The following ABLIM2 variants were observed in gnomAD, a reference collection of about 807,000 sequenced individuals.
The protein encoded by ABLIM2 is actin-binding LIM protein 2.
Under a neutral mutation model 97.7 loss-of-function variants are expected in ABLIM2, and 53 were observed. The ratio of observed to expected loss-of-function variants is 0.54; its 90% CI spans 0.44 to 0.68. The LOEUF (loss-of-function observed/expected upper bound fraction) is 0.68, where lower values mean the gene tolerates loss of function less well. Among genes scored for constraint, ABLIM2 ranks in the 30% least tolerant of loss-of-function variants. ABLIM2 has a pLI of 0.00. For synonymous variants in ABLIM2, 361 were observed against 345.8 expected, an observed-to-expected ratio of 1.04 and a Z score of -0.49; for missense variants, 835 against 867.2, an observed-to-expected ratio of 0.96 and a Z score of 0.47.
In ABLIM2 at chr4:8,038,233, T is replaced by C. The variant is rs189795220; in HGVS notation, c.901-1938A>G. On this transcript the variant is annotated intron_variant, in intron 9 of 20. Transcript: ENST00000447017. ...ATGTAGAAGCCAGAGCCCAGAGAGG[T>C]TGGGTAACTTGCCCAGACTCACAGA... Among the ~76,000 whole-genome samples, 181 of 151,976 alleles carry C rather than the reference T, an allele frequency of 1.2e-3. 1 individual carries two copies. Among genetic ancestry groups the C allele is most frequent in the African/African-American group, 4.2e-3 (173 of 41,448 alleles).
chr4:8,126,483 T>C (rs139615212), intron 1 of ABLIM2, among the ~76,000 whole-genome samples: 107 of 137,668 alleles, frequency 7.8e-4, no homozygotes, highest in African/African-American at 2.7e-3. Flanking sequence ...TTCTCCTCTC[T>C]CCCTAGCCCC....
intron 20 of ABLIM2, among the ~76,000 whole-genome samples, chr4:7,980,733 A>T (rs1409260045): frequency 6.8e-6 from 1 of 147,074 alleles, no homozygotes; most frequent in Non-Finnish European, 1.5e-5. Flanking sequence ...AAAAAAAAAG[A>T]CTCTGCAGAG....
At position 8,125,931 on chromosome 4, in the gene ABLIM2, A is replaced by C. The variant is rs2152910787; in HGVS notation, c.11-19294T>G. Among the ~76,000 whole-genome samples the C allele has an allele frequency of 6.6e-6, 1 of 152,210 alleles. No individual in the cohort carries two copies. The highest frequency in any genetic ancestry group is 2.1e-4 in the South Asian group (1 of 4,814). On this transcript the variant is annotated intron_variant, in intron 1 of 20. Coordinates refer to ENST00000447017, the MANE Select transcript of ABLIM2 (RefSeq NM_001130083.2). This position sits in a 1 kb window ranked among gnomAD's most constrained non-coding sequence, Gnocchi z 6.2. ...CCGCCGCTTTTGGGAACACACCTGC[A>C]TGTCTCCTTTTTTGGTTCACAACAC...
intron 17 of ABLIM2, among the ~76,000 whole-genome samples, chr4:7,988,408 C>T (rs188557512): frequency 6.6e-6 from 1 of 152,224 alleles, no homozygotes; most frequent in Non-Finnish European, 1.5e-5. Flanking sequence ...ATGATTATCA[C>T]TTTACAGATG....
At chr4:8,091,595 T>A (rs1407222128) in intron 3 of ABLIM2, among the ~76,000 whole-genome samples, 1 of 29,688 alleles carries the variant, frequency 3.4e-5, no homozygotes, top group African/African-American at 2.0e-4. Context: ...ATTATATATA[T>A]AATTATATAT....
chr4:8,045,035 G>GCCGTACCTCAGGCCCCCAAGAGCAATA (rs1791392173), intron 9 of ABLIM2, 129 bp downstream of exon 9: 2 of 795,758 alleles, frequency 2.5e-6, no homozygotes. Flanking sequence ...CAAGAGCAAT[G>GCCGTACCTCAGGCCCCCAAGAGCAATA]GCCGTACCTC....
intron 20 of ABLIM2, among the ~76,000 whole-genome samples, chr4:7,968,431 G>A (rs1724784413): frequency 6.6e-6 from 1 of 152,202 alleles, no homozygotes; most frequent in South Asian, 2.1e-4. Context: ...AACAAACCAG[G>A]TGTCCATCAA....
Position 8,022,642 on chromosome 4 carries a change from C to T in ABLIM2, c.1268-2339G>A, listed in dbSNP as rs58506254. The stretch of plus-strand genomic sequence containing the variant: ...CCCTTCCTGGGTCCAGGTTCAGGCT[C>T]TGCCTCCTCTGCTCAGCCTTCTGGT... On this transcript the variant is annotated intron_variant, in intron 12 of 20. Coordinates refer to ENST00000447017, the MANE Select transcript of ABLIM2 (RefSeq NM_001130083.2). This position sits in a 1 kb window ranked among gnomAD's most constrained non-coding sequence, Gnocchi z 7.8. 12,517 of 152,654 alleles carry T rather than the reference C, an allele frequency of 0.082. 1,698 individuals carry two copies. Among genetic ancestry groups the T allele is most frequent in the African/African-American group, 0.28 (11,751 of 41,514 alleles). 9.5% of individuals were successfully genotyped at this position (152,654 alleles called of 1,614,324 possible). A position where few individuals can be genotyped will look rare whatever the true frequency, so the allele number is the denominator to read the frequency against.
At chr4:8,134,894 C>T (rs1234194337) in intron 1 of ABLIM2, among the ~76,000 whole-genome samples, 3 of 152,236 alleles carry the variant, frequency 2.0e-5, no homozygotes, top group African/African-American at 4.8e-5. Flanking sequence ...CAAAGACATA[C>T]GTGTGAGAAT....
At chr4:8,063,621 C>T (rs1804937410) in intron 6 of ABLIM2, among the ~76,000 whole-genome samples, 1 of 152,244 alleles carries the variant, frequency 6.6e-6, no homozygotes, top group African/African-American at 2.4e-5. Context: ...AGAGCTTAAG[C>T]CCATGCCCAG....
intron 20 of ABLIM2, among the ~76,000 whole-genome samples, chr4:7,979,706 C>G (rs908540560): frequency 4.6e-5 from 7 of 152,304 alleles, no homozygotes; most frequent in South Asian, 2.1e-4. Context: ...TCCTCTCTCC[C>G]GGTTATCTAA....
chr4:8,078,046 G>C (rs1276437002), intron 5 of ABLIM2, among the ~76,000 whole-genome samples: 2 of 152,216 alleles, frequency 1.3e-5, no homozygotes, highest in East Asian at 3.8e-4. Context: ...CTTCTTTCTG[G>C]CTCCTTCCAT....
At chr4:8,078,816 T>C (rs1817928803) in intron 5 of ABLIM2, among the ~76,000 whole-genome samples, 2 of 152,218 alleles carry the variant, frequency 1.3e-5, no homozygotes, top group Non-Finnish European at 2.9e-5. Context: ...TTGTCATTAC[T>C]AACCAGGGCT....
At chr4:8,143,162 G>GGGT (rs1561628434) in intron 1 of ABLIM2, among the ~76,000 whole-genome samples, 1 of 148,522 alleles carries the variant, frequency 6.7e-6, no homozygotes, top group Non-Finnish European at 1.5e-5. Flanking sequence ...GCGAGAGTGG[G>GGGT]GGGGGGGGGC....
intron 16 of ABLIM2, among the ~76,000 whole-genome samples, chr4:7,997,340 G>A (rs1408082148): frequency 6.6e-6 from 1 of 152,132 alleles, no homozygotes; most frequent in African/African-American, 2.4e-5. Context: ...AAAGTGCTGG[G>A]ATTACAGGCA....
intron 12 of ABLIM2, 182 bp from the exon 13 acceptor site, chr4:8,020,485 G>T: frequency 2.9e-6 from 2 of 687,678 alleles, no homozygotes; most frequent in East Asian, 2.7e-5. Flanking sequence ...TGTGTCCAAG[G>T]ACTTGCTAAT....
chr4:7,989,067 TTAG>T (rs1314008902), intron 17 of ABLIM2, among the ~76,000 whole-genome samples: 1 of 146,932 alleles, frequency 6.8e-6, no homozygotes, highest in Non-Finnish European at 1.5e-5. Flanking sequence ...ACTAGACACA[TTAG>T]TCTTTTTTTT....
At chr4:8,009,538 G>T (rs1763536412) in intron 14 of ABLIM2, among the ~76,000 whole-genome samples, 1 of 152,274 alleles carries the variant, frequency 6.6e-6, no homozygotes, top group African/African-American at 2.4e-5. Flanking sequence ...TGGGATTACA[G>T]GTGTGCATCA....
rs1803299100 is a variant in ABLIM2 at position 8,061,829 on chromosome 4, TATA to T, written c.676-778_676-776del. 6.6e-6 allele frequency among the ~76,000 whole-genome samples: 1 copy of T among 152,132 alleles called. No individual in the cohort carries two copies. Among genetic ancestry groups the T allele is most frequent in the Non-Finnish European group, 1.5e-5 (1 of 68,012 alleles). On this transcript the variant is annotated intron_variant, in intron 6 of 20. Transcript: ENST00000447017. This position sits in a 1 kb window ranked among gnomAD's most constrained non-coding sequence, Gnocchi z 4.5. ...CCTAATCCCTACCTACATCTGAATT[TATA>T]ATAACCAGTTTCCTGAATCAGTAAG...
Sources: gnomAD v4.1 joint callset for allele counts (sites outside exome capture counted in the v4.1 genomes callset) on GRCh38, gnomAD v4.1.1 for gene constraint, Gnocchi (gnomAD v3.1) non-coding constraint, MANE v1.5 for transcripts, NCBI Gene and HGNC (gene_info 2026-07-23, HGNC 2026-07-21) for gene names.